SEMA6D: variants seen among roughly 807,000 people sequenced by gnomAD.
SEMA6D encodes the protein semaphorin 6D.
In SEMA6D, 35 loss-of-function variants were observed where a neutral mutation model predicts 106.6. That is an observed-to-expected ratio of 0.33 (90% CI 0.25 to 0.44). SEMA6D has a LOEUF of 0.44. Ranked by LOEUF, SEMA6D falls within the 20% of genes least tolerant of loss-of-function variation. SEMA6D has a pLI of 1.00. For missense variants in SEMA6D, 1,185 were observed against 1,345.9 expected, an observed-to-expected ratio of 0.88 and a Z score of 1.87; for synonymous variants, 499 against 487.7, an observed-to-expected ratio of 1.02 and a Z score of -0.31.
At chr15:47,367,126 G>A (rs1411950030) in intron 1 of SEMA6D, among the ~76,000 whole-genome samples, 1 of 152,176 alleles carries the variant, frequency 6.6e-6, no homozygotes, top group Non-Finnish European at 1.5e-5. Flanking sequence ...AGTTTGACAT[G>A]AGACAGTGTT....
At chr15:47,236,066 A>C (rs934663775) in intron 1 of SEMA6D, among the ~76,000 whole-genome samples, 6 of 152,124 alleles carry the variant, frequency 3.9e-5, no homozygotes, top group African/African-American at 9.7e-5. Context: ...AGAGTTAGCC[A>C]GTTTTTAGTT....
chr15:47,494,743 T>G (rs1418283287), intron 3 of SEMA6D, among the ~76,000 whole-genome samples: 5 of 23,106 alleles, frequency 2.2e-4, no homozygotes, highest in African/African-American at 6.5e-4. Context: ...GGGATGGAGA[T>G]ATATATATAT....
intron 3 of SEMA6D, among the ~76,000 whole-genome samples, chr15:47,557,244 C>A (rs932775889): frequency 1.3e-5 from 2 of 152,094 alleles, no homozygotes; most frequent in African/African-American, 4.8e-5. Flanking sequence ...GTGCCTGTCA[C>A]ATAGCAGGCA....
intron 1 of SEMA6D, among the ~76,000 whole-genome samples, chr15:47,186,622 T>A (rs1487897009): frequency 6.6e-6 from 1 of 152,212 alleles, no homozygotes; most frequent in Non-Finnish European, 1.5e-5. Flanking sequence ...TTGGATTATC[T>A]TTTCAATTGT....
chr15:47,317,432 A>G (rs756177043), intron 1 of SEMA6D, among the ~76,000 whole-genome samples: 3 of 152,258 alleles, frequency 2.0e-5, no homozygotes, highest in Middle Eastern at 3.4e-3. Context: ...TTTTAATTCT[A>G]CTTTCACTTA....
chr15:47,661,472 T>C (rs1214810614), intron 4 of SEMA6D, among the ~76,000 whole-genome samples: 1 of 152,246 alleles, frequency 6.6e-6, no homozygotes, highest in Non-Finnish European at 1.5e-5. Flanking sequence ...TAAGATTTTC[T>C]GGGTGAGGGG....
chr15:47,309,443 C>T (rs1484832779), intron 1 of SEMA6D, among the ~76,000 whole-genome samples: 1 of 152,060 alleles, frequency 6.6e-6, no homozygotes, highest in African/African-American at 2.4e-5. Flanking sequence ...GTTCAAGTAA[C>T]CCTCATTTTA....
chr15:47,339,130 C>T (rs1035895600), intron 1 of SEMA6D: 1 of 152,308 alleles, frequency 6.6e-6, no homozygotes, highest in Admixed American at 6.5e-5. Context: ...GGCGGCACAC[C>T]CAGAGAGAGC....
chr15:47,201,590 G>A (rs1206773857), intron 1 of SEMA6D, among the ~76,000 whole-genome samples: 1 of 152,066 alleles, frequency 6.6e-6, no homozygotes, highest in Non-Finnish European at 1.5e-5. Flanking sequence ...TAGGGACAGG[G>A]CTTGGCTTCA....
chr15:47,356,682 A>G (rs1390005090), intron 1 of SEMA6D, among the ~76,000 whole-genome samples: 3 of 152,182 alleles, frequency 2.0e-5, no homozygotes, highest in East Asian at 3.9e-4. Flanking sequence ...AAAGTTTCCT[A>G]TTGCAATTCA....
intron 4 of SEMA6D, among the ~76,000 whole-genome samples, chr15:47,663,264 A>C (rs183333023): frequency 6.6e-6 from 1 of 152,354 alleles, no homozygotes; most frequent in Non-Finnish European, 1.5e-5. Context: ...AACATTGCTC[A>C]CTGTGAAAAA....
intron 2 of SEMA6D, among the ~76,000 whole-genome samples, chr15:47,440,990 C>T (rs922927984): frequency 1.3e-5 from 2 of 152,072 alleles, no homozygotes; most frequent in Admixed American, 6.6e-5. Context: ...GTGTAACTTG[C>T]TCCTTCTTCC....
chr15:47,666,909 G>A (rs2078036766), intron 4 of SEMA6D, among the ~76,000 whole-genome samples: 1 of 152,130 alleles, frequency 6.6e-6, no homozygotes, highest in African/African-American at 2.4e-5. Flanking sequence ...CAACTACCCT[G>A]AGGCCACCAT....
chr15:47,571,142 CT>C (rs1178332660), intron 3 of SEMA6D, among the ~76,000 whole-genome samples: 1 of 151,260 alleles, frequency 6.6e-6, no homozygotes, highest in South Asian at 2.1e-4. Flanking sequence ...TTCACTGTGA[CT>C]TTTTTTTTAA....
intron 1 of SEMA6D, among the ~76,000 whole-genome samples, chr15:47,279,426 G>A (rs1052880835): frequency 6.2e-5 from 9 of 144,924 alleles, no homozygotes; most frequent in East Asian, 2.1e-4. Flanking sequence ...GAGATTTTGG[G>A]CTGAGACAAT....
chr15:47,647,336 T>C (rs1318710478), intron 4 of SEMA6D, among the ~76,000 whole-genome samples: 1 of 152,236 alleles, frequency 6.6e-6, no homozygotes, highest in African/African-American at 2.4e-5. Context: ...AGCCGGGGTC[T>C]GTCAAGTGCT....
intron 2 of SEMA6D, among the ~76,000 whole-genome samples, chr15:47,419,588 A>C (rs534082597): frequency 8.5e-5 from 13 of 152,224 alleles, no homozygotes; most frequent in African/African-American, 3.1e-4. Flanking sequence ...AAGAACATGG[A>C]GGACACCTAC....
chr15:47,539,464 CT>C (rs2045287814), intron 3 of SEMA6D, among the ~76,000 whole-genome samples: 1 of 151,710 alleles, frequency 6.6e-6, no homozygotes, highest in Admixed American at 6.6e-5. Flanking sequence ...CTTGCTCTGT[CT>C]CCAGGCTGGA....
chr15:47,640,338 A>G (rs2077465964), intron 4 of SEMA6D, among the ~76,000 whole-genome samples: 1 of 152,186 alleles, frequency 6.6e-6, no homozygotes, highest in South Asian at 2.1e-4. Flanking sequence ...GAATATGTAA[A>G]GAATTGGCTT....
Sources: allele counts gnomAD v4.1 joint callset (sites outside exome capture counted in the v4.1 genomes callset), GRCh38; gene constraint gnomAD v4.1.1; transcripts MANE v1.5; gene names NCBI Gene and HGNC (gene_info 2026-07-23, HGNC 2026-07-21).